AGBL1: variants seen among roughly 807,000 people sequenced by gnomAD.
AGBL1 encodes cytosolic carboxypeptidase 4.
Under a neutral mutation model 118.9 loss-of-function variants are expected in AGBL1, and 130 were observed. That is an observed-to-expected ratio of 1.09 (90% CI 0.95 to 1.26). AGBL1 has a LOEUF of 1.26. AGBL1 is among the 50% of genes most tolerant of loss of function. AGBL1 has a pLI of 0.00. For synonymous variants in AGBL1, 555 were observed against 478.9 expected, an observed-to-expected ratio of 1.16 and a Z score of -2.08; for missense variants, 1,584 against 1,298.1, an observed-to-expected ratio of 1.22 and a Z score of -3.38.
chr15:86,892,185 C>A (rs2080061511), intron 22 of AGBL1, among the ~76,000 whole-genome samples: 2 of 152,126 alleles, frequency 1.3e-5, no homozygotes, highest in South Asian at 2.1e-4. Context: ...TCCTCATTAA[C>A]CCACTCTCTC....
At chr15:86,479,488 A>G (rs1287180013) in intron 18 of AGBL1, among the ~76,000 whole-genome samples, 1 of 152,220 alleles carries the variant, frequency 6.6e-6, no homozygotes, top group Non-Finnish European at 1.5e-5. Context: ...AATGCTCATC[A>G]TCACTGGCCA....
At chr15:86,899,723 C>T (rs1369057368) in intron 22 of AGBL1, among the ~76,000 whole-genome samples, 2 of 152,134 alleles carry the variant, frequency 1.3e-5, no homozygotes, top group Non-Finnish European at 2.9e-5. Context: ...CTGGCCTGAC[C>T]TCCCTTCAGT....
rs1427486761 is a variant in AGBL1, at chr15:86,602,967, T to C, written c.2994+48430T>C. On this transcript the variant is annotated intron_variant, in intron 21 of 22. Coordinates refer to ENST00000614907, the MANE Select transcript of AGBL1 (RefSeq NM_001386094.1). ...AAATCAGGCCTCTCACCCTGGCTGC[T>C]GACATGTTGTTGGGTGTAGACTTGA... 2.6e-5 allele frequency among the ~76,000 whole-genome samples: 4 copies of C among 152,282 alleles called. No homozygotes were observed. The East Asian group carries it at 7.7e-4, about 29-fold the overall frequency.
chr15:86,889,951 G>A (rs529527654), intron 22 of AGBL1, among the ~76,000 whole-genome samples: 7 of 152,170 alleles, frequency 4.6e-5, no homozygotes, highest in East Asian at 1.9e-4. Context: ...GCTGCCTCTA[G>A]ATCTTTGAGG....
At chr15:86,320,965 ATTATC>A (rs2080096270) in intron 17 of AGBL1, among the ~76,000 whole-genome samples, 1 of 152,086 alleles carries the variant, frequency 6.6e-6, no homozygotes, top group South Asian at 2.1e-4. Context: ...GTCATCATAT[ATTATC>A]TTTTTTATAC....
chr15:86,273,420 T>TTGTAA (rs1264765348), intron 15 of AGBL1, among the ~76,000 whole-genome samples: 2 of 152,226 alleles, frequency 1.3e-5, no homozygotes, highest in Non-Finnish European at 2.9e-5. Context: ...GATTGCTACA[T>TTGTAA]TGTAATGTAG....
At chr15:86,340,590 G>A (rs1293962591) in intron 17 of AGBL1, among the ~76,000 whole-genome samples, 1 of 152,176 alleles carries the variant, frequency 6.6e-6, no homozygotes, top group Non-Finnish European at 1.5e-5. Context: ...ACTTCAGAAT[G>A]GGTGTGGCCC....
At chr15:86,873,679 C>G (rs1425404981) in intron 22 of AGBL1, among the ~76,000 whole-genome samples, 1 of 152,140 alleles carries the variant, frequency 6.6e-6, no homozygotes, top group Non-Finnish European at 1.5e-5. Context: ...GATATGAGCC[C>G]TCACCAAACA....
intron 22 of AGBL1, among the ~76,000 whole-genome samples, chr15:86,898,908 G>A (rs1363126462): frequency 6.6e-6 from 1 of 152,172 alleles, no homozygotes; most frequent in Non-Finnish European, 1.5e-5. Context: ...TAGCATGGTG[G>A]TGGAGAAAAG....
intron 22 of AGBL1, among the ~76,000 whole-genome samples, chr15:86,740,386 T>TA (rs1247305940): frequency 6.6e-6 from 1 of 152,210 alleles, no homozygotes; most frequent in African/African-American, 2.4e-5. Context: ...CAGAAAGTTC[T>TA]AAGATTCTTG....
chr15:86,196,452 C>G (rs560680516), intron 5 of AGBL1, among the ~76,000 whole-genome samples: 1 of 152,194 alleles, frequency 6.6e-6, no homozygotes, highest in South Asian at 2.1e-4. Flanking sequence ...TCAGAATCCC[C>G]AAATGTACTG....
intron 5 of AGBL1, among the ~76,000 whole-genome samples, chr15:86,161,332 C>G (rs984232749): frequency 6.6e-6 from 1 of 152,186 alleles, no homozygotes; most frequent in Non-Finnish European, 1.5e-5. Context: ...GTGCTAAGCT[C>G]TTAGCATGCA....
chr15:86,952,509 C>T (rs1348446154), intron 23 of AGBL1, among the ~76,000 whole-genome samples: 2 of 152,082 alleles, frequency 1.3e-5, no homozygotes, highest in East Asian at 1.9e-4. Context: ...AATTTGTATC[C>T]TTTGCCCATT....
intron 17 of AGBL1, among the ~76,000 whole-genome samples, chr15:86,382,191 GT>G (rs112002938): frequency 0.3 from 46,073 of 151,750 alleles, 7,572 homozygotes; most frequent in East Asian, 0.73. Flanking sequence ...CCTGTGCAGG[GT>G]TGACACATCT....
intron 18 of AGBL1, among the ~76,000 whole-genome samples, chr15:86,404,221 C>T (rs553025006): frequency 9.2e-5 from 14 of 152,238 alleles, no homozygotes; most frequent in African/African-American, 2.2e-4. Flanking sequence ...TATTCTTGCC[C>T]GGGATGAATG....
intron 21 of AGBL1, among the ~76,000 whole-genome samples, chr15:86,656,381 T>G (rs2085461795): frequency 6.6e-6 from 1 of 152,166 alleles, no homozygotes; most frequent in Non-Finnish European, 1.5e-5. Context: ...GATATCACCC[T>G]GGGGCTTTAG....
intron 23 of AGBL1, among the ~76,000 whole-genome samples, chr15:86,940,404 A>G (rs2080735554): frequency 6.6e-6 from 1 of 152,046 alleles, no homozygotes; most frequent in Non-Finnish European, 1.5e-5. Flanking sequence ...TGTCCAAGAA[A>G]CGTAATCTCT....
intron 18 of AGBL1, among the ~76,000 whole-genome samples, chr15:86,400,608 C>T (rs540092146): frequency 6.9e-6 from 1 of 144,342 alleles, no homozygotes. Flanking sequence ...TCCCTCACCC[C>T]CCAACTCTTC....
intron 21 of AGBL1, among the ~76,000 whole-genome samples, chr15:86,629,040 G>A (rs2084928304): frequency 6.6e-6 from 1 of 152,014 alleles, no homozygotes; most frequent in Non-Finnish European, 1.5e-5. Context: ...GTATACCATA[G>A]CTTCTTATTA....
Sources: allele counts gnomAD v4.1 joint callset (sites outside exome capture counted in the v4.1 genomes callset), GRCh38; gene constraint gnomAD v4.1.1; transcripts MANE v1.5; gene names NCBI Gene and HGNC (gene_info 2026-07-23, HGNC 2026-07-21).